Variants in TBC1D19 observed in about 807,000 individuals in gnomAD.
The protein encoded by TBC1D19 is TBC1 domain family member 19, also known as TBC1 domain family, member 19.
In TBC1D19, 60 loss-of-function variants were observed where a neutral mutation model predicts 89.0. That is an observed-to-expected ratio of 0.67 (90% confidence interval 0.55 to 0.84). The LOEUF (loss-of-function observed/expected upper bound fraction) is 0.84, where lower values mean the gene tolerates loss of function less well. Among genes scored for constraint, TBC1D19 ranks in the 40% least tolerant of loss-of-function variants. The pLI, the probability that TBC1D19 is intolerant of heterozygous loss-of-function variation, is 0.00. For missense variants in TBC1D19, 500 were observed against 610.8 expected (o/e 0.82, Z 1.91); for synonymous variants, 189 against 199.7 (o/e 0.95, Z 0.45).
intron 13 of TBC1D19, among the ~76,000 whole-genome samples, chr4:26,697,229 C>T (rs1159485542): frequency 6.6e-6 from 1 of 152,160 alleles, no homozygotes; most frequent in African/African-American, 2.4e-5. Context: ...CTATAAACAC[C>T]TCTATGCAAA....
chr4:26,624,238 G>C (rs764503091), intron 4 of TBC1D19, among the ~76,000 whole-genome samples: 6 of 152,164 alleles, frequency 3.9e-5, no homozygotes, highest in Non-Finnish European at 5.9e-5. Flanking sequence ...GTGAGGGTCA[G>C]CTCAGATGGC....
the TBC1D19 span, among the ~76,000 whole-genome samples, chr4:26,853,546 GTTTGTT>G: frequency 2.7e-5 from 4 of 149,790 alleles, no homozygotes; most frequent in Non-Finnish European, 5.9e-5. Flanking sequence ...TTTTTTTTTT[GTTTGTT>G]TTTGAGACAG....
At chr4:26,753,714 C>A in intron 19 of TBC1D19, 106 bp from the exon 20 acceptor site, 2 of 1,160,090 alleles carry the variant, frequency 1.7e-6, no homozygotes, top group Non-Finnish European at 2.5e-6. Flanking sequence ...TTGTGTAAAG[C>A]ACTAGTTCTG....
chr4:26,843,950 T>A, the TBC1D19 span, among the ~76,000 whole-genome samples: 2 of 151,984 alleles, frequency 1.3e-5, no homozygotes, highest in Admixed American at 6.6e-5. Context: ...AACTCACACA[T>A]CACCAAGGGG....
the TBC1D19 span, among the ~76,000 whole-genome samples, chr4:26,776,906 T>C: frequency 6.6e-6 from 1 of 152,150 alleles, no homozygotes; most frequent in African/African-American, 2.4e-5. Flanking sequence ...ATAACTAATA[T>C]ATATCTTTCT....
chr4:26,709,654 T>C (rs1050061793), intron 13 of TBC1D19, among the ~76,000 whole-genome samples: 1 of 152,052 alleles, frequency 6.6e-6, no homozygotes, highest in South Asian at 2.1e-4. Context: ...TATGCGGCTA[T>C]GCTAGAAGCT....
chr4:26,831,782 G>A, the TBC1D19 span, among the ~76,000 whole-genome samples: 5 of 151,776 alleles, frequency 3.3e-5, no homozygotes, highest in South Asian at 2.1e-4. Context: ...TAGTAGAGAC[G>A]GGGTTTTACC....
At chr4:26,831,842 CG>C in the TBC1D19 span, among the ~76,000 whole-genome samples, 5 of 152,064 alleles carry the variant, frequency 3.3e-5, no homozygotes, top group African/African-American at 1.2e-4. Flanking sequence ...CTGCCCACCT[CG>C]GCAGATCAAA....
At chr4:26,773,660 T>G in the TBC1D19 span, among the ~76,000 whole-genome samples, 14 of 152,044 alleles carry the variant, frequency 9.2e-5, no homozygotes, top group African/African-American at 3.4e-4. Context: ...AAGGAAGGAG[T>G]TCAGTTTCAA....
Position 26,642,636 on chromosome 4 carries a change from A to C in TBC1D19, c.480+2449A>C, listed in dbSNP as rs539523046. Among the ~76,000 whole-genome samples, 11 of 152,324 alleles carry C rather than the reference A, an allele frequency of 7.2e-5. No individual in the cohort carries two copies. In the East Asian group the frequency reaches 1.4e-3, roughly 19 times the overall value. ...CCCAATTAAAAGACACAGACTGGCA[A>C]ATTGGATAAAGAGTCAAGACCTATC... On this transcript the variant is annotated intron_variant, in intron 7 of 20. Coordinates refer to ENST00000264866, the MANE Select transcript of TBC1D19 (RefSeq NM_018317.4).
chr4:26,651,496 C>T (rs980304063), intron 7 of TBC1D19, among the ~76,000 whole-genome samples: 13 of 152,106 alleles, frequency 8.5e-5, no homozygotes, highest in Non-Finnish European at 1.9e-4. Flanking sequence ...TGGGAGTTCA[C>T]TCATGATTTG....
intron 16 of TBC1D19, among the ~76,000 whole-genome samples, chr4:26,735,961 G>T (rs1033514494): frequency 1.2e-3 from 170 of 147,438 alleles, no homozygotes; most frequent in African/African-American, 4.0e-3. Flanking sequence ...CTGTAAACTA[G>T]TTCAACCATT....
intron 18 of TBC1D19, among the ~76,000 whole-genome samples, chr4:26,745,349 A>C (rs1466736460): frequency 6.6e-6 from 1 of 151,738 alleles, no homozygotes; most frequent in African/African-American, 2.4e-5. Flanking sequence ...AAATTTTTTT[A>C]GTTATTCCAT....
chr4:26,628,029 T>G (rs1215478178), intron 4 of TBC1D19, among the ~76,000 whole-genome samples: 2 of 152,170 alleles, frequency 1.3e-5, no homozygotes, highest in Non-Finnish European at 2.9e-5. Context: ...GGTCTAACGT[T>G]TAAGTCTTTA....
At chr4:26,748,597 A>C (rs1578015951) in intron 19 of TBC1D19, 71 bp downstream of exon 19, 18 of 1,059,868 alleles carry the variant, frequency 1.7e-5, no homozygotes, top group African/African-American at 1.6e-5. Context: ...CCTAACATTC[A>C]CCATCCGTAA....
the TBC1D19 span, among the ~76,000 whole-genome samples, chr4:26,762,978 C>T: frequency 7.2e-3 from 1,090 of 152,244 alleles, 1 homozygote; most frequent in Non-Finnish European, 0.01. Flanking sequence ...TTGTATTGTT[C>T]TGAGCTCCTA....
intron 7 of TBC1D19, among the ~76,000 whole-genome samples, chr4:26,648,427 A>G (rs866169109): frequency 2.0e-5 from 3 of 152,250 alleles, no homozygotes; most frequent in Non-Finnish European, 2.9e-5. Context: ...ATGTCACTGC[A>G]TCTTGGCCAA....
At chr4:26,606,798 G>A (rs1741037253) in intron 1 of TBC1D19, among the ~76,000 whole-genome samples, 1 of 152,118 alleles carries the variant, frequency 6.6e-6, no homozygotes, top group African/African-American at 2.4e-5. Context: ...GGAAAGATGA[G>A]GTCTCTTTAG....
chr4:26,773,101 A>G, the TBC1D19 span, among the ~76,000 whole-genome samples: 4 of 152,240 alleles, frequency 2.6e-5, no homozygotes, highest in African/African-American at 7.2e-5. Context: ...AAGCATTCCT[A>G]TTTCTCCACA....
Sources: allele counts gnomAD v4.1 joint callset (sites outside exome capture counted in the v4.1 genomes callset), GRCh38; gene constraint gnomAD v4.1.1; transcripts MANE v1.5; gene names NCBI Gene and HGNC (gene_info 2026-07-23, HGNC 2026-07-21).